MROH9: variants seen among roughly 807,000 people sequenced by gnomAD.
The protein encoded by MROH9 is maestro heat like repeat family member 9, also known as maestro heat-like repeat-containing protein family member 9.
Under a neutral mutation model 98.2 loss-of-function variants are expected in MROH9, and 92 were observed. The observed-to-expected ratio is 0.94, with a 90% CI of 0.79 to 1.11. The LOEUF is 1.11. Ranked by LOEUF, MROH9 falls within the 50% of genes most tolerant of loss-of-function variation. The pLI, the probability that MROH9 is intolerant of heterozygous loss-of-function variation, is 0.00. For missense variants in MROH9, 1,057 were observed against 1,014.8 expected (o/e 1.04, Z -0.57); for synonymous variants, 397 against 368.9 (o/e 1.08, Z -0.87).
chr1:170,947,571 A>G lies in MROH9; in HGVS notation c.70A>G (p.Met24Val), dbSNP rs1649381921. Residue 24 changes from methionine to valine, a missense_variant and splice_region_variant, in exon 3 of 22, where the codon ATG becomes GTG. Physicochemically the swap from Met to Val is conservative, Grantham distance 21. Transcript: ENST00000367759. The part of the protein sequence containing the change: ...ILQDSVKWHH[M>V]AHKVNSLLDA... ...GCAAGACAGTGTGAAATGGCACCACATGGTAAGTGATATTCTATAAGGATA... is the reference window on the plus strand; with the variant it reads ...GCAAGACAGTGTGAAATGGCACCACGTGGTAAGTGATATTCTATAAGGATA... 8 of 1,609,492 alleles carry G rather than the reference A, an allele frequency of 5.0e-6. No individual in the cohort carries two copies. Among genetic ancestry groups the G allele is most frequent in the Non-Finnish European group, 6.8e-6 (8 of 1,176,496 alleles).
chr1:170,970,521 A>C (rs1166516111), intron 7 of MROH9, among the ~76,000 whole-genome samples: 1 of 152,162 alleles, frequency 6.6e-6, no homozygotes, highest in African/African-American at 2.4e-5. Flanking sequence ...TATAAGGGGA[A>C]GGACCAGGCC....
At chr1:170,986,015 A>G (rs1651119669) in intron 9 of MROH9, among the ~76,000 whole-genome samples, 1 of 152,118 alleles carries the variant, frequency 6.6e-6, no homozygotes, top group Non-Finnish European at 1.5e-5. Context: ...TCTTTGAGGA[A>G]TCTATAATCA....
chr1:170,980,126 TAG>T (rs1340551044), intron 8 of MROH9, among the ~76,000 whole-genome samples: 1 of 152,136 alleles, frequency 6.6e-6, no homozygotes. Flanking sequence ...TCCTCATGGA[TAG>T]AAAGAATCAA....
intron 10 of MROH9, among the ~76,000 whole-genome samples, chr1:170,987,968 A>G (rs1651213348): frequency 6.6e-6 from 1 of 152,196 alleles, no homozygotes; most frequent in Admixed American, 6.5e-5. Flanking sequence ...TGAGCTTCAC[A>G]TCATCGGTCC....
intron 15 of MROH9, chr1:170,998,681 A>G (rs1651679803): frequency 9.1e-7 from 1 of 1,094,114 alleles, no homozygotes; most frequent in African/African-American, 1.6e-5. Context: ...GTAACTGGGT[A>G]AAATGAAGAT....
intron 8 of MROH9, among the ~76,000 whole-genome samples, chr1:170,978,914 G>A (rs771267231): frequency 4.6e-5 from 7 of 152,088 alleles, no homozygotes; most frequent in African/African-American, 1.4e-4. Context: ...AGGGCAACTC[G>A]CCCTCCCAGG....
At chr1:170,954,323 G>T (rs1012832324) in intron 3 of MROH9, among the ~76,000 whole-genome samples, 3 of 151,840 alleles carry the variant, frequency 2.0e-5, no homozygotes, top group Non-Finnish European at 4.4e-5. Flanking sequence ...AAATTCTTAA[G>T]AAATTTTACT....
intron 17 of MROH9, among the ~76,000 whole-genome samples, chr1:171,021,429 A>G (rs1652516043): frequency 6.6e-6 from 1 of 152,152 alleles, no homozygotes; most frequent in Admixed American, 6.5e-5. Flanking sequence ...CCAACGAAAC[A>G]GAACAGAGAT....
intron 7 of MROH9, among the ~76,000 whole-genome samples, chr1:170,970,731 T>TGTGTGTGTGTGTGTGAGA (rs1491154307): frequency 7.7e-5 from 7 of 90,870 alleles, no homozygotes; most frequent in South Asian, 4.2e-4. Flanking sequence ...TGTGTGTGTG[T>TGTGTGTGTGTGTGTGAGA]GAGAGAGAGA....
At chr1:171,028,600 C>G (rs1229904035) in intron 20 of MROH9, among the ~76,000 whole-genome samples, 1 of 152,188 alleles carries the variant, frequency 6.6e-6, no homozygotes, top group Non-Finnish European at 1.5e-5. Context: ...AGTACTGAAT[C>G]TATAAATTAA....
intron 8 of MROH9, among the ~76,000 whole-genome samples, chr1:170,972,657 A>G (rs1321642025): frequency 6.6e-6 from 1 of 151,814 alleles, no homozygotes; most frequent in Non-Finnish European, 1.5e-5. Flanking sequence ...AAAAAATACA[A>G]AAAAATAAGC....
intron 7 of MROH9, among the ~76,000 whole-genome samples, chr1:170,969,929 A>G (rs1571460727): frequency 1.3e-5 from 2 of 152,090 alleles, no homozygotes; most frequent in African/African-American, 4.8e-5. Flanking sequence ...GCTTGGCAGG[A>G]TATACATCAG....
intron 1 of MROH9, among the ~76,000 whole-genome samples, chr1:170,935,946 C>T (rs1648859365): frequency 8.6e-6 from 1 of 116,072 alleles, no homozygotes; most frequent in Non-Finnish European, 1.6e-5. Context: ...GAGCCGAGAT[C>T]ATGCTACTGC....
At chr1:171,006,109 G>T (rs907335952) in intron 15 of MROH9, among the ~76,000 whole-genome samples, 3 of 152,144 alleles carry the variant, frequency 2.0e-5, no homozygotes, top group Non-Finnish European at 4.4e-5. Context: ...TTGTAAGTTA[G>T]GTCTCATGGT....
chr1:171,045,113 C>A (rs747285673), intron 20 of MROH9, among the ~76,000 whole-genome samples: 14 of 148,930 alleles, frequency 9.4e-5, no homozygotes, highest in Non-Finnish European at 1.8e-4. Flanking sequence ...GCCATTCTCC[C>A]GCCTCAGCCT....
At position 170,998,158 on chromosome 1, in the gene MROH9, C is replaced by G. The variant is rs768549118; in HGVS notation, c.1480C>G (p.Leu494Val). ...GTGCCTTATTCTCTTTTACAGAACT[C>G]TCAGTGAATATAACTTTCCACAGTT... ...YHGVCFIAKT[L>V]SEYNFPQFPE... Residue 494 changes from leucine to valine, a missense_variant, in exon 15 of 22, where the codon CTC (leucine) becomes GTC (valine). Coordinates refer to ENST00000367759, the MANE Select transcript of MROH9 (RefSeq NM_001163629.2). The G allele has an allele frequency of 4.4e-6, 7 of 1,600,722 alleles. No individual in the cohort carries two copies. The highest frequency in any genetic ancestry group is 2.3e-5 in the South Asian group (2 of 88,064).
chr1:171,063,306 G>A (rs1411995104), intron 21 of MROH9, among the ~76,000 whole-genome samples: 2 of 138,104 alleles, frequency 1.4e-5, no homozygotes, highest in Admixed American at 1.6e-4. Flanking sequence ...CAGCTGGAGT[G>A]CAGTGGTGTG....
intron 10 of MROH9, among the ~76,000 whole-genome samples, chr1:170,988,837 T>C (rs931794164): frequency 5.9e-5 from 9 of 152,200 alleles, no homozygotes; most frequent in Admixed American, 5.2e-4. Flanking sequence ...CATAAATTTC[T>C]ATAATTAAGC....
chr1:170,988,052 T>G (rs1421052491), intron 10 of MROH9, among the ~76,000 whole-genome samples: 1 of 152,252 alleles, frequency 6.6e-6, no homozygotes, highest in Admixed American at 6.5e-5. Context: ...GTATGTCCTC[T>G]GCTCCACTGT....
Sources: gnomAD v4.1 joint callset for allele counts (sites outside exome capture counted in the v4.1 genomes callset) on GRCh38, gnomAD v4.1.1 for gene constraint, MANE v1.5 for transcripts, NCBI Gene and HGNC (gene_info 2026-07-23, HGNC 2026-07-21) for gene names.